Variants in FOCAD observed in about 807,000 individuals in gnomAD.
FOCAD encodes the protein KIAA1797.
A neutral mutation model predicts 225.6 loss-of-function variants in FOCAD; 198 were observed. The observed-to-expected ratio is 0.88, with a 90% CI of 0.78 to 0.99. The LOEUF is 0.99. FOCAD is among the 50% of genes least tolerant of loss of function. The probability of loss-of-function intolerance (pLI) is 0.00; values close to 1 mark genes in which losing one functional copy is unlikely to be tolerated. For synonymous variants in FOCAD, 897 were observed against 755.0 expected, an observed-to-expected ratio of 1.19 and a Z score of -3.08; for missense variants, 2,713 against 2,123.6, an observed-to-expected ratio of 1.28 and a Z score of -5.46.
intron 15 of FOCAD, among the ~76,000 whole-genome samples, chr9:20,859,427 C>A (rs1367467043): frequency 6.7e-6 from 1 of 150,286 alleles, no homozygotes; most frequent in East Asian, 1.9e-4. Flanking sequence ...TCAATTGTTC[C>A]TTTGCAGGTA....
At chr9:20,659,985 G>A (rs184700760) in intron 2 of FOCAD, among the ~76,000 whole-genome samples, 3 of 152,326 alleles carry the variant, frequency 2.0e-5, no homozygotes, top group Non-Finnish European at 4.4e-5. Context: ...GTGGCTGGGT[G>A]AATAATATGC....
intron 39 of FOCAD, 22 bp from the exon 40 acceptor site, chr9:20,986,266 A>ATGTTTTTTTTTTTTTTTTTTT: frequency 1.4e-6 from 1 of 705,684 alleles, no homozygotes; most frequent in Non-Finnish European, 1.8e-6. Context: ...TAACTAAACA[A>ATGTTTTTTTTTTTTTTTTTTT]TTTTTTTTTT....
At chr9:20,957,081 G>A (rs1838217887) in intron 35 of FOCAD, among the ~76,000 whole-genome samples, 1 of 152,010 alleles carries the variant, frequency 6.6e-6, no homozygotes, top group African/African-American at 2.4e-5. Flanking sequence ...TATTATTTTT[G>A]AGACAAGGTC....
chr9:20,929,214 T>G (rs904903884), intron 26 of FOCAD, 144 bp from the exon 27 acceptor site: 46 of 627,120 alleles, frequency 7.3e-5, no homozygotes, highest in Non-Finnish European at 1.2e-4. Flanking sequence ...ACAAAAACGT[T>G]TGGATTTTTA....
At chr9:20,952,151 T>C (rs986869144) in intron 34 of FOCAD, among the ~76,000 whole-genome samples, 1 of 152,188 alleles carries the variant, frequency 6.6e-6, no homozygotes, top group Non-Finnish European at 1.5e-5. Context: ...CCTGGTAAGA[T>C]AGGATATTTA....
chr9:20,989,661 T>A (rs1841480671), intron 41 of FOCAD, among the ~76,000 whole-genome samples: 1 of 152,162 alleles, frequency 6.6e-6, no homozygotes, highest in Non-Finnish European at 1.5e-5. Context: ...TCTTAAAACA[T>A]TTTTTAAAAA....
At chr9:20,920,740 A>C (rs1463404727) in intron 24 of FOCAD, among the ~76,000 whole-genome samples, 3 of 151,856 alleles carry the variant, frequency 2.0e-5, no homozygotes, top group African/African-American at 7.3e-5. Context: ...GCATGTTCTT[A>C]CTCATAGGTG....
chr9:20,750,525 C>A (rs955829039), intron 5 of FOCAD, among the ~76,000 whole-genome samples: 5 of 152,024 alleles, frequency 3.3e-5, no homozygotes, highest in Admixed American at 6.6e-5. Context: ...AAAACAACAA[C>A]AAAAAATGCA....
At chr9:20,992,049 C>T (rs1349522901) in intron 42 of FOCAD, among the ~76,000 whole-genome samples, 1 of 151,906 alleles carries the variant, frequency 6.6e-6, no homozygotes. Context: ...TCTTTTTCTC[C>T]CTATTTTACT....
chr9:20,775,820 G>A (rs1818701619), intron 8 of FOCAD, among the ~76,000 whole-genome samples: 1 of 151,920 alleles, frequency 6.6e-6, no homozygotes, highest in Non-Finnish European at 1.5e-5. Context: ...GACATCTGTG[G>A]CTGAGTATAA....
At chr9:20,955,414 C>T (rs962173634) in intron 35 of FOCAD, among the ~76,000 whole-genome samples, 8 of 152,004 alleles carry the variant, frequency 5.3e-5, no homozygotes, top group African/African-American at 1.9e-4. Flanking sequence ...ATAAGATGTT[C>T]ATAGCATCCA....
chr9:20,919,056 A>T (rs1021340398), intron 24 of FOCAD, among the ~76,000 whole-genome samples: 1 of 152,140 alleles, frequency 6.6e-6, no homozygotes, highest in East Asian at 1.9e-4. Flanking sequence ...TCATGGGATG[A>T]TCCTGATTTG....
At chr9:20,659,632 C>G (rs1018316875) in intron 2 of FOCAD, among the ~76,000 whole-genome samples, 1 of 152,162 alleles carries the variant, frequency 6.6e-6, no homozygotes, top group Admixed American at 6.5e-5. Flanking sequence ...TTGGATTTCC[C>G]TGCATCCAGA....
chr9:20,664,225 G>C (rs1409627683), intron 2 of FOCAD, among the ~76,000 whole-genome samples: 1 of 150,432 alleles, frequency 6.6e-6, no homozygotes, highest in African/African-American at 2.5e-5. Flanking sequence ...ATAAAAAATA[G>C]TTTATAGTAT....
At chr9:20,862,378 G>A (rs1394839434) in intron 15 of FOCAD, among the ~76,000 whole-genome samples, 200 bp from the exon 16 acceptor site, 1 of 152,018 alleles carries the variant, frequency 6.6e-6, no homozygotes. Context: ...AAGCAATTGT[G>A]TGAGGCAGGC....
At chr9:20,669,372 A>C (rs891369116) in intron 2 of FOCAD, among the ~76,000 whole-genome samples, 1 of 152,192 alleles carries the variant, frequency 6.6e-6, no homozygotes, top group African/African-American at 2.4e-5. Flanking sequence ...CCTGAGAAGC[A>C]CTTGGTGAAA....
At chr9:20,905,848 G>A (rs1832910809) in intron 21 of FOCAD, among the ~76,000 whole-genome samples, 1 of 151,662 alleles carries the variant, frequency 6.6e-6, no homozygotes, top group Non-Finnish European at 1.5e-5. Flanking sequence ...CCTGCTCGTT[G>A]TAGTACTTAT....
chr9:20,942,897 T>C (rs1460189520), intron 28 of FOCAD, among the ~76,000 whole-genome samples: 1 of 152,236 alleles, frequency 6.6e-6, no homozygotes, highest in African/African-American at 2.4e-5. Context: ...GGCTCTCTGC[T>C]GGGCGAGAGA....
At chr9:20,880,567 A>T (rs575954765) in intron 19 of FOCAD, among the ~76,000 whole-genome samples, 36 of 152,308 alleles carry the variant, frequency 2.4e-4, no homozygotes, top group African/African-American at 8.4e-4. Context: ...GTTGAGAAGG[A>T]TAGAGGATAG....
Sources: gnomAD v4.1 joint callset for allele counts (sites outside exome capture counted in the v4.1 genomes callset) on GRCh38, gnomAD v4.1.1 for gene constraint, MANE v1.5 for transcripts, NCBI Gene and HGNC (gene_info 2026-07-23, HGNC 2026-07-21) for gene names.